Variants in RAVER2 observed in about 807,000 individuals in gnomAD.
RAVER2 encodes the protein ribonucleoprotein, PTB binding 2.
In RAVER2, 46 loss-of-function variants were observed where a neutral mutation model predicts 78.1. That is an observed-to-expected ratio of 0.59 (90% confidence interval 0.46 to 0.75). The LOEUF (loss-of-function observed/expected upper bound fraction) is 0.75. Among genes scored for constraint, RAVER2 ranks in the 30% least tolerant of loss-of-function variants. RAVER2 has a pLI of 0.00. For synonymous variants in RAVER2, 311 were observed against 313.3 expected, an observed-to-expected ratio of 0.99 and a Z score of 0.08; for missense variants, 793 against 837.5, an observed-to-expected ratio of 0.95 and a Z score of 0.66.
intron 2 of RAVER2, among the ~76,000 whole-genome samples, chr1:64,773,916 T>C (rs1652390133): frequency 6.6e-6 from 1 of 152,244 alleles, no homozygotes; most frequent in African/African-American, 2.4e-5. Flanking sequence ...TTGATTTGCA[T>C]TTCTCTGATG....
intron 1 of RAVER2, among the ~76,000 whole-genome samples, chr1:64,753,891 C>T (rs756478278): frequency 9.9e-5 from 15 of 150,942 alleles, no homozygotes; most frequent in Admixed American, 8.6e-4. Flanking sequence ...CAAGTTTCCT[C>T]GCCATCTCAT....
intron 5 of RAVER2, 67 bp from the exon 6 acceptor site, chr1:64,802,909 A>C: frequency 9.5e-7 from 1 of 1,055,304 alleles, no homozygotes; most frequent in Admixed American, 2.1e-5. Context: ...ACCCTTTTCG[A>C]AGCTTGGTTT....
chr1:64,783,863 A>C (rs1455048776), intron 4 of RAVER2, among the ~76,000 whole-genome samples: 5 of 152,254 alleles, frequency 3.3e-5, no homozygotes, highest in African/African-American at 1.2e-4. Flanking sequence ...TCTGCACAGC[A>C]AAAGATACTG....
intron 5 of RAVER2, among the ~76,000 whole-genome samples, chr1:64,794,658 T>C (rs1028456869): frequency 2.0e-5 from 3 of 152,180 alleles, no homozygotes; most frequent in South Asian, 2.1e-4. Flanking sequence ...TTTGGTGATA[T>C]GTCTTTTCAA....
At chr1:64,769,558 T>C (rs533715952) in intron 2 of RAVER2, among the ~76,000 whole-genome samples, 1 of 152,040 alleles carries the variant, frequency 6.6e-6, no homozygotes, top group Non-Finnish European at 1.5e-5. Context: ...AGAGTGGACT[T>C]GTGATTTGCT....
At chr1:64,795,265 T>A (rs188364134) in intron 5 of RAVER2, among the ~76,000 whole-genome samples, 46 of 152,256 alleles carry the variant, frequency 3.0e-4, no homozygotes, top group African/African-American at 1.1e-3. Context: ...TCAACTTTAT[T>A]CTTCTTTTTC....
intron 3 of RAVER2, among the ~76,000 whole-genome samples, chr1:64,780,586 T>C (rs1334614715): frequency 1.3e-5 from 2 of 152,220 alleles, no homozygotes; most frequent in Non-Finnish European, 2.9e-5. Context: ...AAAGATATAC[T>C]AAGCTGAATT....
At chr1:64,807,209 C>T (rs768012553) in exon 9 of RAVER2, 8 of 1,612,386 alleles carry the variant, frequency 5.0e-6, no homozygotes, top group Non-Finnish European at 5.9e-6. Flanking sequence ...GCTACAGCAT[C>T]TAGCCTGATT....
intron 1 of RAVER2, among the ~76,000 whole-genome samples, chr1:64,767,541 ATACT>A (rs1191347739): frequency 1.3e-5 from 2 of 152,060 alleles, no homozygotes; most frequent in African/African-American, 2.4e-5. Flanking sequence ...TTTAGGTTAC[ATACT>A]TAACATAATA....
At chr1:64,799,405 T>TA (rs978669285) in intron 5 of RAVER2, among the ~76,000 whole-genome samples, 12 of 152,176 alleles carry the variant, frequency 7.9e-5, no homozygotes, top group African/African-American at 2.7e-4. Flanking sequence ...CTCTTCAAGA[T>TA]ATGGATTTCC....
intron 5 of RAVER2, among the ~76,000 whole-genome samples, chr1:64,796,528 G>T (rs1653100973): frequency 6.6e-6 from 1 of 152,014 alleles, no homozygotes; most frequent in Non-Finnish European, 1.5e-5. Context: ...TGTCTATTTT[G>T]TGTAAGTTAT....
At chr1:64,760,770 T>C (rs1222479470) in intron 1 of RAVER2, among the ~76,000 whole-genome samples, 1 of 150,870 alleles carries the variant, frequency 6.6e-6, no homozygotes, top group Non-Finnish European at 1.5e-5. Context: ...ATGGTAGACA[T>C]CCCAAATGTT....
chr1:64,795,728 G>A (rs577177152), intron 5 of RAVER2, among the ~76,000 whole-genome samples: 2 of 152,068 alleles, frequency 1.3e-5, no homozygotes, highest in African/African-American at 4.8e-5. Flanking sequence ...CTATGTAGAT[G>A]ATTATGTTAT....
chr1:64,807,115 G>C, intron 8 of RAVER2, 91 bp from the exon 9 acceptor site: 1 of 1,416,460 alleles, frequency 7.1e-7, no homozygotes, highest in Non-Finnish European at 9.4e-7. Context: ...TGGTTTCTCT[G>C]CATTTTGCTC....
At position 64,745,364 on chromosome 1, in the gene RAVER2, G is replaced by A; in HGVS notation, c.192G>A (p.Glu64=). 6.5e-7 allele frequency: 1 copy of A among 1,544,212 alleles called. No individual in the cohort carries two copies. Among genetic ancestry groups the A allele is most frequent in the Non-Finnish European group, 8.7e-7 (1 of 1,144,166 alleles). ...CGCGACTGCAGCGGATGCAGCGGGA[G>A]CTGAGCAACCGCAGGAAAATCCTGG... Residue 64 remains glutamate (E), a synonymous_variant, in exon 1 of 12, where the codon GAG becomes GAA. Transcript: ENST00000294428. This position sits in a 1 kb window ranked among gnomAD's most constrained non-coding sequence, Gnocchi z 4.3.
chr1:64,745,950 C>CT lies in RAVER2; in HGVS notation c.249+530dup. Among the ~76,000 whole-genome samples, 1 of 152,180 alleles carries CT rather than the reference C, an allele frequency of 6.6e-6. No homozygotes were observed. The highest frequency in any genetic ancestry group is 1.5e-5 in the Non-Finnish European group (1 of 68,032). On this transcript the variant is annotated intron_variant, in intron 1 of 11. Transcript: ENST00000294428. This position sits in a 1 kb window ranked among gnomAD's most constrained non-coding sequence, Gnocchi z 4.3. Reference sequence around the variant, plus strand: ...TTGCCCAAGTTTCTATGAAACAACTCTGTCTTCTCAGTTTGCTAAGGCCCC... The same window carrying CT: ...TTGCCCAAGTTTCTATGAAACAACTCTTGTCTTCTCAGTTTGCTAAGGCCCC...
rs1651489189 is a variant in RAVER2, at chr1:64,745,226, C to A, written c.54C>A (p.Ser18Arg). Residue 18 changes from serine (S) to arginine (R), a missense_variant, in exon 1 of 12, where the codon AGC becomes AGA. Coordinates refer to ENST00000294428, the Ensembl canonical transcript of RAVER2. The surrounding 1 kb of genome is among the most constrained non-coding windows in gnomAD (Gnocchi z 4.3). ...GCGAGGGGGGCGCGGGCCTGGGCAG[C>A]GCGGCGGGGCTGGGGCCGGGGCCGG... The A allele has an allele frequency of 9.1e-7, 1 of 1,093,380 alleles. No individual in the cohort carries two copies. The highest frequency in any genetic ancestry group is 5.7e-5 in the East Asian group (1 of 17,604). The allele number at this position is 1,093,380 out of a possible 1,614,324, so 67.7% of individuals were successfully genotyped here.
chr1:64,786,400 A>G (rs984170819), intron 4 of RAVER2, among the ~76,000 whole-genome samples: 2 of 152,200 alleles, frequency 1.3e-5, no homozygotes, highest in Admixed American at 1.3e-4. Flanking sequence ...AGAGACTTCT[A>G]ATATTACAAG....
At chr1:64,784,375 TCAAAAA>T (rs1195607010) in intron 4 of RAVER2, among the ~76,000 whole-genome samples, 1 of 152,132 alleles carries the variant, frequency 6.6e-6, no homozygotes, top group Non-Finnish European at 1.5e-5. Context: ...AGACCTTGTC[TCAAAAA>T]CAAAGCAAAA....
Sources: allele counts gnomAD v4.1 joint callset (sites outside exome capture counted in the v4.1 genomes callset), GRCh38; gene constraint gnomAD v4.1.1; non-coding constraint Gnocchi (gnomAD v3.1); transcripts MANE v1.5; gene names NCBI Gene and HGNC (gene_info 2026-07-23, HGNC 2026-07-21).